IL1RAPL1: variants seen among roughly 807,000 people sequenced by gnomAD.
The protein encoded by IL1RAPL1 is interleukin-1 receptor accessory protein-like 1.
IL1RAPL1 carries 3 observed loss-of-function variants against 48.4 expected under a neutral mutation model. The ratio of observed to expected loss-of-function variants is 0.06; its 90% CI spans 0.03 to 0.16. The LOEUF is 0.16. Ranked by LOEUF, IL1RAPL1 falls within the 10% of genes least tolerant of loss-of-function variation. IL1RAPL1 has a pLI of 1.00. For synonymous variants in IL1RAPL1, 185 were observed against 187.7 expected (o/e 0.99, Z 0.12); for missense variants, 349 against 530.6 (o/e 0.66, Z 3.36).
Position 28,892,073 on chromosome X carries a change from C to T in IL1RAPL1, c.82+102648C>T, listed in dbSNP as rs1398570567. Among the ~76,000 whole-genome samples the T allele has an allele frequency of 2.9e-4, 32 of 110,632 alleles. 1 individual carries two copies. In the Admixed American group the frequency reaches 3.0e-3, roughly 10 times the overall value. ...TAATTTTTAAATTGGGTTTTCTGTGCTATTATTGAATTATAAGAGTTCTTT... is the reference window on the plus strand; with the variant it reads ...TAATTTTTAAATTGGGTTTTCTGTGTTATTATTGAATTATAAGAGTTCTTT... On this transcript the variant is annotated intron_variant, in intron 2 of 10. Coordinates refer to ENST00000378993, the MANE Select transcript of IL1RAPL1 (RefSeq NM_014271.4).
At chrX:28,950,097 A>G (rs1201071404) in intron 2 of IL1RAPL1, among the ~76,000 whole-genome samples, 1 of 103,024 alleles carries the variant, frequency 9.7e-6, no homozygotes. Flanking sequence ...TCTTTAATCC[A>G]TCTTGAATTG....
chrX:29,217,087 T>C (rs1311212645), intron 2 of IL1RAPL1, among the ~76,000 whole-genome samples: 1 of 112,040 alleles, frequency 8.9e-6, no homozygotes, highest in Admixed American at 9.5e-5. Context: ...CTCAGTACCA[T>C]GGTATCAAGG....
Position 29,000,823 on chromosome X carries a change from G to A in IL1RAPL1, c.82+211398G>A, listed in dbSNP as rs1300881354. Among the ~76,000 whole-genome samples the A allele has an allele frequency of 9.1e-5, 9 of 98,749 alleles. 1 individual carries two copies. The East Asian group carries it at 3.0e-3, about 33-fold the overall frequency. 85.8% of individuals were successfully genotyped at this position (98,749 alleles called of 115,157 possible). A position where few individuals can be genotyped will look rare whatever the true frequency, so the allele number is the denominator to read the frequency against. On this transcript the variant is annotated intron_variant, in intron 2 of 10. Transcript: ENST00000378993. The stretch of plus-strand genomic sequence containing the variant: ...TTTACAAGTTTATCTTCTTAGAGAA[G>A]TATAACTCTTTTTTTTTTTTTTCCA...
intron 2 of IL1RAPL1, among the ~76,000 whole-genome samples, chrX:29,044,543 G>T (rs1346462047): frequency 9.1e-6 from 1 of 110,383 alleles, no homozygotes; most frequent in East Asian, 2.8e-4. Context: ...AATCCCTAAT[G>T]ATTAATATGT....
intron 2 of IL1RAPL1, among the ~76,000 whole-genome samples, chrX:28,874,436 A>G (rs748652366): frequency 8.9e-6 from 1 of 112,328 alleles, no homozygotes; most frequent in East Asian, 2.8e-4. Flanking sequence ...CTTCATGGCT[A>G]TCATATGTCC....
At chrX:29,348,100 G>A (rs1265314212) in intron 3 of IL1RAPL1, among the ~76,000 whole-genome samples, 1 of 112,471 alleles carries the variant, frequency 8.9e-6, no homozygotes, top group Non-Finnish European at 1.9e-5. Flanking sequence ...AAGCAAAACT[G>A]CACGTAAGGG....
At chrX:29,626,749 C>T (rs954636107) in intron 5 of IL1RAPL1, among the ~76,000 whole-genome samples, 1 of 111,850 alleles carries the variant, frequency 8.9e-6, no homozygotes, top group African/African-American at 3.2e-5. Flanking sequence ...TCCAGTTCAC[C>T]CCATTACTCA....
chrX:29,546,752 A>C (rs1921638427), intron 5 of IL1RAPL1, among the ~76,000 whole-genome samples: 1 of 112,129 alleles, frequency 8.9e-6, no homozygotes, highest in South Asian at 3.7e-4. Context: ...TAAAAGAAAA[A>C]AATGATCAAG....
chrX:29,243,308 C>T (rs992420961), intron 2 of IL1RAPL1, among the ~76,000 whole-genome samples: 3 of 112,238 alleles, frequency 2.7e-5, no homozygotes, highest in African/African-American at 9.7e-5. Flanking sequence ...TAAACCCAAC[C>T]GCTGGCATCT....
chrX:28,889,157 T>A (rs1922713100), intron 2 of IL1RAPL1, among the ~76,000 whole-genome samples: 1 of 111,782 alleles, frequency 8.9e-6, no homozygotes, highest in Admixed American at 9.6e-5. Context: ...TATTTTAAGA[T>A]ATTATTAATA....
intron 5 of IL1RAPL1, among the ~76,000 whole-genome samples, chrX:29,644,580 T>C (rs185444130): frequency 9.0e-6 from 1 of 110,895 alleles, no homozygotes; most frequent in Non-Finnish European, 1.9e-5. Context: ...TTTGTTTTTG[T>C]TTTTGAGACA....
chrX:29,504,299 T>G (rs1935306061), intron 5 of IL1RAPL1, among the ~76,000 whole-genome samples: 1 of 111,886 alleles, frequency 8.9e-6, no homozygotes, highest in Non-Finnish European at 1.9e-5. Flanking sequence ...ATAAAGAATG[T>G]GTACTTGGTA....
chrX:29,466,445 C>T (rs1240735571), intron 5 of IL1RAPL1, among the ~76,000 whole-genome samples: 2 of 112,046 alleles, frequency 1.8e-5, no homozygotes, highest in Non-Finnish European at 3.8e-5. Context: ...AATCTTTTGG[C>T]AACAGAGAGT....
intron 2 of IL1RAPL1, among the ~76,000 whole-genome samples, chrX:29,018,564 CA>C (rs1216228834): frequency 8.9e-6 from 1 of 111,825 alleles, no homozygotes; most frequent in African/African-American, 3.2e-5. Context: ...GGGACTTGAA[CA>C]AAAGCAAAGC....
intron 6 of IL1RAPL1, among the ~76,000 whole-genome samples, chrX:29,832,329 A>G (rs1930898397): frequency 8.9e-6 from 1 of 112,158 alleles, no homozygotes; most frequent in Non-Finnish European, 1.9e-5. Context: ...AAGTCCCTAC[A>G]TAATCATTCC....
At chrX:28,804,692 A>G (rs1000204058) in intron 2 of IL1RAPL1, among the ~76,000 whole-genome samples, 5 of 111,036 alleles carry the variant, frequency 4.5e-5, no homozygotes, top group Non-Finnish European at 9.5e-5. Flanking sequence ...TTGTGATTAC[A>G]TTGGGCCCAC....
intron 5 of IL1RAPL1, among the ~76,000 whole-genome samples, chrX:29,476,270 A>ATAATAATAATAAATTAGAAT (rs1934972462): frequency 8.9e-6 from 1 of 112,065 alleles, no homozygotes; most frequent in Non-Finnish European, 1.9e-5. Flanking sequence ...ATGTAGAATT[A>ATAATAATAATAAATTAGAAT]CAGGTTAGCT....
intron 1 of IL1RAPL1, among the ~76,000 whole-genome samples, chrX:28,616,429 TTTTC>T (rs1487847311): frequency 2.7e-5 from 3 of 111,152 alleles, no homozygotes; most frequent in African/African-American, 6.5e-5. Flanking sequence ...GAAAAGGCAT[TTTTC>T]TTTCTTTTTT....
chrX:29,170,517 A>G (rs1193539688), intron 2 of IL1RAPL1, among the ~76,000 whole-genome samples: 1 of 111,830 alleles, frequency 8.9e-6, no homozygotes, highest in Non-Finnish European at 1.9e-5. Flanking sequence ...CAATATAACT[A>G]TGATTTCAGA....
Sources: allele counts gnomAD v4.1 joint callset (sites outside exome capture counted in the v4.1 genomes callset), GRCh38; gene constraint gnomAD v4.1.1; transcripts MANE v1.5; gene names NCBI Gene and HGNC (gene_info 2026-07-23, HGNC 2026-07-21).